CNTNAP4: variants seen among roughly 807,000 people sequenced by gnomAD.
CNTNAP4 encodes the protein contactin-associated protein-like 4.
CNTNAP4 carries 98 observed loss-of-function variants against 148.4 expected under a neutral mutation model. That is an observed-to-expected ratio of 0.66 (90% confidence interval 0.56 to 0.78). The LOEUF is 0.78. Ranked by LOEUF, CNTNAP4 falls within the 30% of genes least tolerant of loss-of-function variation. CNTNAP4 has a pLI of 0.00. For synonymous variants in CNTNAP4, 730 were observed against 565.1 expected, an observed-to-expected ratio of 1.29 and a Z score of -4.14; for missense variants, 1,935 against 1,565.6, an observed-to-expected ratio of 1.24 and a Z score of -3.98.
At chr16:76,435,627 A>G (rs982934792) in intron 4 of CNTNAP4, among the ~76,000 whole-genome samples, 3 of 151,984 alleles carry the variant, frequency 2.0e-5, no homozygotes, top group African/African-American at 7.3e-5. Flanking sequence ...TATCTTCTGG[A>G]CCCTCCCAGC....
chr16:76,356,179 T>C (rs2144506509), intron 3 of CNTNAP4, among the ~76,000 whole-genome samples: 1 of 152,274 alleles, frequency 6.6e-6, no homozygotes, highest in South Asian at 2.1e-4. Flanking sequence ...CCAGCCTGCA[T>C]TGTCTTTATT....
At chr16:76,542,754 T>C (rs2084517553) in intron 21 of CNTNAP4, among the ~76,000 whole-genome samples, 1 of 152,194 alleles carries the variant, frequency 6.6e-6, no homozygotes, top group African/African-American at 2.4e-5. Flanking sequence ...ATTAAAAATA[T>C]GTGCAACTGT....
At chr16:76,510,168 C>G (rs1218025856) in intron 15 of CNTNAP4, among the ~76,000 whole-genome samples, 1 of 150,704 alleles carries the variant, frequency 6.6e-6, no homozygotes, top group African/African-American at 2.4e-5. Context: ...CATCCCAGCC[C>G]TAAGCAACCA....
At chr16:76,344,438 A>T (rs1371168645) in intron 2 of CNTNAP4, among the ~76,000 whole-genome samples, 1 of 152,220 alleles carries the variant, frequency 6.6e-6, no homozygotes, top group Non-Finnish European at 1.5e-5. Flanking sequence ...ATAATATGTA[A>T]ATGTATTAGC....
At chr16:76,337,827 G>C (rs889586744) in intron 2 of CNTNAP4, among the ~76,000 whole-genome samples, 3 of 152,126 alleles carry the variant, frequency 2.0e-5, no homozygotes, top group Non-Finnish European at 4.4e-5. Flanking sequence ...GCTGGGAAAA[G>C]AATTCAGTGA....
intron 21 of CNTNAP4, among the ~76,000 whole-genome samples, chr16:76,541,556 A>C (rs1206931568): frequency 6.6e-6 from 1 of 152,174 alleles, no homozygotes; most frequent in African/African-American, 2.4e-5. Context: ...GGTATTTGAC[A>C]CTAATCTGAA....
At chr16:76,278,915 G>A (rs1958582956) in intron 1 of CNTNAP4, among the ~76,000 whole-genome samples, 1 of 152,182 alleles carries the variant, frequency 6.6e-6, no homozygotes, top group African/African-American at 2.4e-5. Flanking sequence ...AGTTCAGAAT[G>A]GGCTCATTTA....
In CNTNAP4 at chr16:76,553,409, C is replaced by T; in HGVS notation, c.3569C>T (p.Pro1190Leu). The change falls in exon 22 of 24, where the codon CCT (proline) becomes CTT (leucine). Residue 1190 changes from proline to leucine, a missense_variant. Transcript: ENST00000611870. Reference sequence around the variant, plus strand: ...GCTCTGCACCCCAGCCACCCAGACCCTGTCACTGTTACAGGACACGTGACT... The same window carrying T: ...GCTCTGCACCCCAGCCACCCAGACCTTGTCACTGTTACAGGACACGTGACT... ...KAALHPSHPD[P>L]VTVTGHVTES... The T allele has an allele frequency of 6.2e-7, 1 of 1,612,586 alleles. No homozygotes were observed.
rs6145898 is a variant in CNTNAP4, at chr16:76,307,503, C to CATATATATATAT, written c.86-8884_86-8873dup. Among the ~76,000 whole-genome samples, 137 of 91,700 alleles carry CATATATATATAT rather than the reference C, an allele frequency of 1.5e-3. 5 individuals are homozygous for CATATATATATAT. The highest frequency in any genetic ancestry group is 1.7e-3 in the Non-Finnish European group (88 of 50,338). The allele number at this position is 91,700 out of a possible 152,430, so 60.2% of individuals were successfully genotyped here. A position where few individuals can be genotyped will look rare whatever the true frequency, so the allele number is the denominator to read the frequency against. The stretch of plus-strand genomic sequence containing the variant: ...TTCTCCTAGATATCTATTTTAAATG[C>CATATATATATAT]ATATATATATATATATATATATATA... On this transcript the variant is annotated intron_variant, in intron 1 of 23. Coordinates refer to ENST00000611870, the MANE Select transcript of CNTNAP4 (RefSeq NM_033401.5).
intron 3 of CNTNAP4, among the ~76,000 whole-genome samples, chr16:76,366,793 A>G (rs2014187707): frequency 6.6e-6 from 1 of 152,198 alleles, no homozygotes; most frequent in Admixed American, 6.5e-5. Context: ...AAAAAAATGT[A>G]ATAGAATATG....
chr16:76,301,585 T>C (rs956744426), intron 1 of CNTNAP4, among the ~76,000 whole-genome samples: 15 of 152,180 alleles, frequency 9.9e-5, no homozygotes, highest in East Asian at 1.9e-4. Context: ...GGTTTAGTAA[T>C]GAAGAAATGT....
At chr16:76,509,971 T>C (rs2082949676) in intron 15 of CNTNAP4, among the ~76,000 whole-genome samples, 1 of 96,896 alleles carries the variant, frequency 1.0e-5, no homozygotes, top group South Asian at 4.1e-4. Context: ...TTAATTGACA[T>C]ATAATTCACA....
intron 15 of CNTNAP4, among the ~76,000 whole-genome samples, chr16:76,516,259 A>C (rs1216147650): frequency 6.6e-6 from 1 of 152,206 alleles, no homozygotes; most frequent in Admixed American, 6.5e-5. Flanking sequence ...ACGTCCCTGC[A>C]AAGGACATTA....
intron 2 of CNTNAP4, among the ~76,000 whole-genome samples, chr16:76,327,542 A>G (rs1275688509): frequency 6.6e-6 from 1 of 152,136 alleles, no homozygotes; most frequent in Non-Finnish European, 1.5e-5. Flanking sequence ...TACATCCTCT[A>G]AACCCTGTCT....
At chr16:76,424,128 A>T (rs539748181) in intron 3 of CNTNAP4, among the ~76,000 whole-genome samples, 3 of 152,294 alleles carry the variant, frequency 2.0e-5, no homozygotes, top group African/African-American at 7.2e-5. Context: ...CAAAATTTAA[A>T]TAGCTCATAA....
intron 3 of CNTNAP4, among the ~76,000 whole-genome samples, chr16:76,392,427 G>A (rs2078057089): frequency 6.6e-6 from 1 of 152,126 alleles, no homozygotes; most frequent in African/African-American, 2.4e-5. Context: ...TCTAGCATGA[G>A]TCCTAAGAAA....
intron 2 of CNTNAP4, among the ~76,000 whole-genome samples, chr16:76,327,221 T>C (rs1453282794): frequency 6.6e-6 from 1 of 152,212 alleles, no homozygotes; most frequent in African/African-American, 2.4e-5. Context: ...TCCTGTCTTG[T>C]ATTCCTCAGT....
intron 3 of CNTNAP4, among the ~76,000 whole-genome samples, chr16:76,372,776 C>T (rs939930028): frequency 6.6e-6 from 1 of 152,112 alleles, no homozygotes; most frequent in African/African-American, 2.4e-5. Context: ...TGAAAATGGA[C>T]TAATACATTG....
intron 18 of CNTNAP4, among the ~76,000 whole-genome samples, chr16:76,537,131 TA>T (rs1472943606): frequency 6.6e-6 from 1 of 152,196 alleles, no homozygotes; most frequent in East Asian, 1.9e-4. Context: ...ACCACTTCAT[TA>T]AAATAACATG....
Sources: gnomAD v4.1 joint callset for allele counts (sites outside exome capture counted in the v4.1 genomes callset) on GRCh38, gnomAD v4.1.1 for gene constraint, MANE v1.5 for transcripts, NCBI Gene and HGNC (gene_info 2026-07-23, HGNC 2026-07-21) for gene names.